The following BBS7 variants were observed in gnomAD, a reference collection of about 807,000 sequenced individuals.
BBS7 encodes the protein Bardet-Biedl syndrome 7.
A neutral mutation model predicts 90.3 loss-of-function variants in BBS7; 50 were observed. The observed-to-expected ratio is 0.55, with a 90% CI of 0.44 to 0.70. The LOEUF is 0.70. Among genes scored for constraint, BBS7 ranks in the 30% least tolerant of loss-of-function variants. The pLI is 0.00. For missense variants in BBS7, 729 were observed against 838.9 expected (o/e 0.87, Z 1.62); for synonymous variants, 235 against 287.4 (o/e 0.82, Z 1.85).
At chr4:121,863,019 C>A (rs374862363) in intron 3 of BBS7, among the ~76,000 whole-genome samples, 198 bp downstream of exon 3, 12 of 152,326 alleles carry the variant, frequency 7.9e-5, no homozygotes, top group African/African-American at 2.9e-4. Flanking sequence ...CCCACGACCA[C>A]AGGATGCCAA....
intron 15 of BBS7, among the ~76,000 whole-genome samples, chr4:121,832,412 T>C (rs1360992360): frequency 6.6e-6 from 1 of 152,072 alleles, no homozygotes; most frequent in Non-Finnish European, 1.5e-5. Context: ...GCAAAGACTT[T>C]GAAGAAGCAG....
chr4:121,834,989 T>C (rs1725379049), intron 14 of BBS7, among the ~76,000 whole-genome samples, 155 bp downstream of exon 14: 1 of 152,186 alleles, frequency 6.6e-6, no homozygotes, highest in Non-Finnish European at 1.5e-5. Flanking sequence ...AAGAATCTTA[T>C]ATTTATTGGA....
chr4:121,867,370 G>A (rs1315901839), intron 2 of BBS7, among the ~76,000 whole-genome samples: 1 of 152,094 alleles, frequency 6.6e-6, no homozygotes, highest in Non-Finnish European at 1.5e-5. Context: ...GGCAAACAGA[G>A]ATAATTTGAC....
At chr4:121,863,089 A>G (rs892674907) in intron 3 of BBS7, 128 bp downstream of exon 3, 2 of 864,968 alleles carry the variant, frequency 2.3e-6, no homozygotes, top group Non-Finnish European at 3.8e-6. Flanking sequence ...CATATCTCAC[A>G]TAACTACTTA....
chr4:121,858,805 A>G (rs1214159418), intron 5 of BBS7, 187 bp downstream of exon 5: 3 of 616,722 alleles, frequency 4.9e-6, no homozygotes, highest in Non-Finnish European at 8.1e-6. Flanking sequence ...TGCTTCTCTT[A>G]AAAACTTACA....
At chr4:121,828,309 A>G (rs1199956045) in intron 17 of BBS7, 40 bp from the exon 18 acceptor site, 1 of 1,597,066 alleles carries the variant, frequency 6.3e-7, no homozygotes. Context: ...AATATTCAAA[A>G]TTCAATCCAA....
chr4:121,826,941 G>A (rs982827554), intron 18 of BBS7, among the ~76,000 whole-genome samples: 2 of 152,130 alleles, frequency 1.3e-5, no homozygotes, highest in Admixed American at 6.5e-5. Context: ...CCGAGATCGC[G>A]CCACTGACTC....
chr4:121,851,158 G>C (rs6813653), intron 8 of BBS7, among the ~76,000 whole-genome samples: 1 of 151,814 alleles, frequency 6.6e-6, no homozygotes, highest in Non-Finnish European at 1.5e-5. Flanking sequence ...GTTTATCAGG[G>C]AACTATTAAT....
chr4:121,848,192 C>T (rs1212140515), intron 9 of BBS7, among the ~76,000 whole-genome samples: 1 of 152,140 alleles, frequency 6.6e-6, no homozygotes, highest in Admixed American at 6.5e-5. Context: ...TTGACTAATA[C>T]AGCAGCCTCC....
At chr4:121,865,776 T>C (rs1727234986) in intron 2 of BBS7, among the ~76,000 whole-genome samples, 1 of 152,212 alleles carries the variant, frequency 6.6e-6, no homozygotes, top group African/African-American at 2.4e-5. Context: ...TTGTAGTTTT[T>C]GAAAAATCCT....
chr4:121,868,333 T>C (rs966877404), intron 1 of BBS7, among the ~76,000 whole-genome samples: 2 of 152,166 alleles, frequency 1.3e-5, no homozygotes, highest in Non-Finnish European at 2.9e-5. Flanking sequence ...TCCAACTGCA[T>C]ACAGTTGTTC....
At chr4:121,851,865 A>C (rs1223099249) in intron 8 of BBS7, among the ~76,000 whole-genome samples, 1 of 152,230 alleles carries the variant, frequency 6.6e-6, no homozygotes, top group Non-Finnish European at 1.5e-5. Flanking sequence ...AGACAGAAGA[A>C]ATAGGAAGAG....
At chr4:121,840,127 G>C (rs1249252861) in intron 12 of BBS7, among the ~76,000 whole-genome samples, 2 of 152,172 alleles carry the variant, frequency 1.3e-5, no homozygotes, top group Admixed American at 6.5e-5. Context: ...TTGTGGGAGG[G>C]ACTCAGTGGG....
intron 4 of BBS7, among the ~76,000 whole-genome samples, chr4:121,859,928 A>T (rs1431478176): frequency 6.6e-6 from 1 of 152,124 alleles, no homozygotes; most frequent in Non-Finnish European, 1.5e-5. Flanking sequence ...TCTTGACAAA[A>T]ATTATATTTA....
chr4:121,860,373 T>C (rs1337523361), intron 4 of BBS7, among the ~76,000 whole-genome samples: 1 of 152,136 alleles, frequency 6.6e-6, no homozygotes, highest in Non-Finnish European at 1.5e-5. Context: ...CCTTACTGAA[T>C]ATCTTCAAGT....
chr4:121,863,541 T>C (rs1304948261), intron 2 of BBS7, among the ~76,000 whole-genome samples: 1 of 152,136 alleles, frequency 6.6e-6, no homozygotes, highest in Non-Finnish European at 1.5e-5. Flanking sequence ...TTTGTTTTGC[T>C]TTTTTTCAAC....
intron 18 of BBS7, among the ~76,000 whole-genome samples, chr4:121,827,455 G>A (rs546636320): frequency 1.3e-5 from 2 of 152,268 alleles, no homozygotes; most frequent in South Asian, 4.1e-4. Context: ...TTCAGTTAAA[G>A]CATATGAAAA....
intron 6 of BBS7, among the ~76,000 whole-genome samples, chr4:121,855,185 T>G (rs1477096362): frequency 6.6e-6 from 1 of 151,730 alleles, no homozygotes; most frequent in East Asian, 1.9e-4. Context: ...CATGGTGGTG[T>G]GCGCCTGTAG....
chr4:121,847,366 G>T, intron 10 of BBS7, 38 bp downstream of exon 10: 1 of 1,359,986 alleles, frequency 7.4e-7, no homozygotes, highest in Non-Finnish European at 1.1e-6. Flanking sequence ...CACACTTCAT[G>T]AGATTTTTAA....
Sources: gnomAD v4.1 joint callset for allele counts (sites outside exome capture counted in the v4.1 genomes callset) on GRCh38, gnomAD v4.1.1 for gene constraint, MANE v1.5 for transcripts, NCBI Gene and HGNC (gene_info 2026-07-23, HGNC 2026-07-21) for gene names.